CCDC18: variants seen among roughly 807,000 people sequenced by gnomAD.
CCDC18 encodes the protein coiled-coil domain-containing protein 18.
A neutral mutation model predicts 196.0 loss-of-function variants in CCDC18; 157 were observed. That is an observed-to-expected ratio of 0.80 (90% confidence interval 0.70 to 0.91). CCDC18 has a LOEUF of 0.91. Ranked by LOEUF, CCDC18 falls within the 40% of genes least tolerant of loss-of-function variation. The probability of loss-of-function intolerance (pLI) is 0.00; values close to 1 mark genes in which losing one functional copy is unlikely to be tolerated. For missense variants in CCDC18, 1,465 were observed against 1,611.6 expected, an observed-to-expected ratio of 0.91 and a Z score of 1.56; for synonymous variants, 482 against 529.2, an observed-to-expected ratio of 0.91 and a Z score of 1.22.
At chr1:93,268,601 A>G (rs1356665189) in intron 27 of CCDC18, among the ~76,000 whole-genome samples, 1 of 147,012 alleles carries the variant, frequency 6.8e-6, no homozygotes, top group African/African-American at 2.6e-5. Flanking sequence ...CAACCCCATC[A>G]AAAAGTGGGA....
chr1:93,272,597 A>G (rs1665366421), intron 28 of CCDC18, among the ~76,000 whole-genome samples: 1 of 152,234 alleles, frequency 6.6e-6, no homozygotes, highest in Non-Finnish European at 1.5e-5. Context: ...ATTGACTATC[A>G]TATTTGGTAA....
chr1:93,179,932 C>T (rs1465481454), upstream of CCDC18: 21 of 1,113,746 alleles, frequency 1.9e-5, no homozygotes, highest in Non-Finnish European at 2.6e-5. Flanking sequence ...GGGCTGGCTT[C>T]CTGAACGGCC....
rs552970629 is a variant in CCDC18 at position 93,180,729 on chromosome 1, G to A, written c.-126G>A. The A allele has an allele frequency of 2.2e-6, 3 of 1,364,460 alleles. No homozygotes were observed. In the African/African-American group the frequency reaches 4.4e-5, roughly 20 times the overall value. The allele number at this position is 1,364,460 out of a possible 1,614,324, so 84.5% of individuals were successfully genotyped here. Reference sequence around the variant, plus strand: ...GTCCCAACGGCTCCCGCGGCGGTTCGAATTCTGTGCTGCCGGGGTTCGCTG... The same window carrying A: ...GTCCCAACGGCTCCCGCGGCGGTTCAAATTCTGTGCTGCCGGGGTTCGCTG... On this transcript the variant is annotated 5_prime_UTR_variant, in exon 1 of 29. Transcript: ENST00000690025.
intron 27 of CCDC18, among the ~76,000 whole-genome samples, chr1:93,268,058 G>A (rs993458625): frequency 4.6e-5 from 7 of 152,230 alleles, no homozygotes; most frequent in Non-Finnish European, 7.4e-5. Flanking sequence ...AAACAGCATG[G>A]TACTGGTACC....
At chr1:93,218,252 A>C (rs1310150518) in intron 14 of CCDC18, among the ~76,000 whole-genome samples, 1 of 152,216 alleles carries the variant, frequency 6.6e-6, no homozygotes, top group African/African-American at 2.4e-5. Flanking sequence ...AAATAGATAC[A>C]GTAGTCCCTG....
chr1:93,219,392 C>T (rs977364359), intron 14 of CCDC18, among the ~76,000 whole-genome samples: 16 of 152,130 alleles, frequency 1.1e-4, no homozygotes, highest in African/African-American at 3.6e-4. Context: ...GCTATGTCTT[C>T]TCTTTGACAT....
intron 6 of CCDC18, among the ~76,000 whole-genome samples, chr1:93,198,616 T>A (rs751214996): frequency 7.2e-5 from 11 of 152,188 alleles, no homozygotes; most frequent in Non-Finnish European, 5.9e-5. Context: ...TAAGAAAAAC[T>A]ATAAGAAAAA....
intron 18 of CCDC18, among the ~76,000 whole-genome samples, chr1:93,235,923 C>T (rs990315449): frequency 3.3e-5 from 5 of 151,792 alleles, no homozygotes; most frequent in Non-Finnish European, 5.9e-5. Context: ...TGAGCCAATT[C>T]GTGAAGAAAA....
intron 6 of CCDC18, 129 bp from the exon 7 acceptor site, chr1:93,201,763 A>G: frequency 3.8e-6 from 2 of 522,952 alleles, no homozygotes; most frequent in East Asian, 6.5e-5. Flanking sequence ...TAAGCCTAAT[A>G]CTCCTTTTTA....
At position 93,207,355 on chromosome 1, in the gene CCDC18, G is replaced by T; in HGVS notation, c.1166G>T (p.Arg389Met). Residue 389 changes from arginine to methionine, a missense_variant, in exon 9 of 29, where the codon AGG becomes ATG. Transcript: ENST00000690025. Reference sequence around the variant, plus strand: ...TGTCAACAAGAAATTGAAAGTTCAAGGGTAGAACTAAGAAGTTTGGAAAAG... The same window carrying T: ...TGTCAACAAGAAATTGAAAGTTCAATGGTAGAACTAAGAAGTTTGGAAAAG... ...DLCQQEIESS[R>M]VELRSLEKII... The T allele has an allele frequency of 6.2e-7, 1 of 1,610,486 alleles. No individual in the cohort carries two copies.
At chr1:93,206,456 C>A (rs993322711) in intron 8 of CCDC18, among the ~76,000 whole-genome samples, 9 of 151,944 alleles carry the variant, frequency 5.9e-5, no homozygotes, top group Non-Finnish European at 1.3e-4. Context: ...TTTCTTAAGT[C>A]GTTATTTTCA....
chr1:93,256,560 C>T, intron 25 of CCDC18, 22 bp downstream of exon 25: 6 of 1,561,634 alleles, frequency 3.8e-6, no homozygotes, highest in Non-Finnish European at 4.4e-6. Context: ...TTTAAATAAT[C>T]TTATGTATCT....
intron 6 of CCDC18, among the ~76,000 whole-genome samples, chr1:93,201,004 T>C (rs1218893661): frequency 6.6e-6 from 1 of 152,242 alleles, no homozygotes; most frequent in Admixed American, 6.5e-5. Context: ...TACTTTCCTT[T>C]ATCTGAAACT....
chr1:93,235,739 A>G (rs754193913), intron 18 of CCDC18, among the ~76,000 whole-genome samples: 16 of 152,186 alleles, frequency 1.1e-4, no homozygotes, highest in South Asian at 6.2e-4. Context: ...GAAAAAATGA[A>G]TAGGAATTGA....
Position 93,183,381 on chromosome 1 carries a change from A to G in CCDC18, c.20A>G (p.Asp7Gly). 1 of 1,583,404 alleles carries G rather than the reference A, an allele frequency of 6.3e-7. No homozygotes were observed. Among genetic ancestry groups the G allele is most frequent in the African/African-American group, 1.4e-5 (1 of 74,018 alleles). The stretch of plus-strand genomic sequence containing the variant: ...TAAGAAATGGAATCTAGTTCATCAG[A>G]CTACTATAATAAAGACAATGAAGAG... MESSSS[D>G]YYNKDNEEES... is the part of the protein sequence containing the mutation. Residue 7 changes from aspartate (D) to glycine (G), a missense_variant, in exon 2 of 29, where the codon GAC (aspartate) becomes GGC (glycine). Asp to Gly is a moderately conservative substitution (Grantham distance 94). Transcript: ENST00000690025.
intron 23 of CCDC18, among the ~76,000 whole-genome samples, chr1:93,247,665 C>G (rs769147962): frequency 3.3e-5 from 5 of 152,080 alleles, no homozygotes; most frequent in African/African-American, 1.2e-4. Flanking sequence ...ATCTTCCCCC[C>G]TCAGCTTCCC....
chr1:93,180,418 G>T (rs775616368), upstream of CCDC18: 1 of 1,258,062 alleles, frequency 7.9e-7, no homozygotes, highest in Non-Finnish European at 1.1e-6. Flanking sequence ...TTCTCCAAAG[G>T]GTAGGGACTC....
chr1:93,223,896 TTTATACACACACACAC>T lies in CCDC18; in HGVS notation c.2175+1961_2175+1976del, dbSNP rs776285320. ...TTTGTTTTTGTTTTGATTTCATTTA[TTTATACACACACACAC>T]ACACACACACACACACACACACACA... On this transcript the variant is annotated intron_variant, in intron 16 of 28. Transcript: ENST00000690025. Among the ~76,000 whole-genome samples, 1,239 of 124,050 alleles carry T rather than the reference TTTATACACACACACAC, an allele frequency of 1.0e-2. 16 individuals carry two copies. The highest frequency in any genetic ancestry group is 0.035 in the African/African-American group (1,183 of 33,958). 81.4% of individuals were successfully genotyped at this position (124,050 alleles called of 152,430 possible).
At chr1:93,264,929 C>T (rs765262665) in intron 27 of CCDC18, 28 bp downstream of exon 27, 52 of 1,455,562 alleles carry the variant, frequency 3.6e-5, no homozygotes, top group Admixed American at 6.7e-5. Flanking sequence ...AGTAATAAAG[C>T]ATATCTATGA....
Sources: gnomAD v4.1 joint callset for allele counts (sites outside exome capture counted in the v4.1 genomes callset) on GRCh38, gnomAD v4.1.1 for gene constraint, MANE v1.5 for transcripts, NCBI Gene and HGNC (gene_info 2026-07-23, HGNC 2026-07-21) for gene names.